The following ARHGAP11A variants were observed in gnomAD, a reference collection of about 807,000 sequenced individuals.
ARHGAP11A encodes rho GTPase-activating protein 11A.
A neutral mutation model predicts 60.5 loss-of-function variants in ARHGAP11A; 36 were observed. The observed-to-expected ratio is 0.59, with a 90% CI of 0.46 to 0.79. The LOEUF (loss-of-function observed/expected upper bound fraction) is 0.79, where lower values mean the gene tolerates loss of function less well. Among genes scored for constraint, ARHGAP11A ranks in the 30% least tolerant of loss-of-function variants. The pLI, the probability that ARHGAP11A is intolerant of heterozygous loss-of-function variation, is 0.00. For synonymous variants in ARHGAP11A, 362 were observed against 415.5 expected (o/e 0.87, Z 1.57); for missense variants, 1,071 against 1,199.2 (o/e 0.89, Z 1.58).
At chr15:32,633,378 T>G (rs1400496024) in intron 9 of ARHGAP11A, among the ~76,000 whole-genome samples, 1 of 152,148 alleles carries the variant, frequency 6.6e-6, no homozygotes, top group African/African-American at 2.4e-5. Flanking sequence ...CGGTGGCTTA[T>G]GCCTGTAATC....
chr15:32,631,003 C>A (rs573387987), intron 8 of ARHGAP11A, among the ~76,000 whole-genome samples: 29 of 152,026 alleles, frequency 1.9e-4, no homozygotes, highest in African/African-American at 6.3e-4. Context: ...TCCTTCTTCT[C>A]CTCCTCCAAG....
At chr15:32,635,741 T>G in intron 10 of ARHGAP11A, 36 bp from the exon 11 acceptor site, 1 of 1,427,804 alleles carries the variant, frequency 7.0e-7, no homozygotes, top group Non-Finnish European at 9.3e-7. Context: ...TTAACTAGGC[T>G]TATTTCTTAA....
At chr15:32,617,715 G>A (rs1424088973) in intron 1 of ARHGAP11A, among the ~76,000 whole-genome samples, 3 of 151,926 alleles carry the variant, frequency 2.0e-5, no homozygotes, top group Admixed American at 6.6e-5. Flanking sequence ...CTCGTGATCC[G>A]CCCGCCTCGG....
At chr15:32,617,627 AC>A (rs2053190258) in intron 1 of ARHGAP11A, among the ~76,000 whole-genome samples, 1 of 151,780 alleles carries the variant, frequency 6.6e-6, no homozygotes, top group South Asian at 2.1e-4. Context: ...GCCCGCCACC[AC>A]ACCTGGCTAA....
At position 32,636,466 on chromosome 15, in the gene ARHGAP11A, G is replaced by T. The variant is rs1183967592; in HGVS notation, c.1693G>T (p.Glu565Ter). The T allele has an allele frequency of 6.2e-7, 1 of 1,613,884 alleles. No individual in the cohort carries two copies. The highest frequency in any genetic ancestry group is 1.1e-5 in the South Asian group (1 of 91,058). ...AGAAAAGTCACCTGCTACTTCATGTGAACTCACCCCTTCCAATTTAAACAA... is the reference window on the plus strand; with the variant it reads ...AGAAAAGTCACCTGCTACTTCATGTTAACTCACCCCTTCCAATTTAAACAA... ...MVEKSPATSCELTPSNLNNKH... is the reference protein window; with the variant it reads ...MVEKSPATSC The change falls in exon 12 of 12, where the codon GAA (glutamate) becomes TAA (stop). Residue 565 changes from glutamate (E) to a stop codon, truncating the protein, a stop_gained. Transcript: ENST00000361627. LOFTEE classifies it low-confidence loss of function (END_TRUNC).
chr15:32,632,534 A>G (rs915023847), intron 8 of ARHGAP11A, among the ~76,000 whole-genome samples: 10 of 152,198 alleles, frequency 6.6e-5, no homozygotes, highest in African/African-American at 2.4e-4. Flanking sequence ...TTATAATACC[A>G]TTAATTGGTA....
chr15:32,632,943 A>T, intron 8 of ARHGAP11A, 36 bp from the exon 9 acceptor site: 11 of 1,557,232 alleles, frequency 7.1e-6, no homozygotes, highest in Non-Finnish European at 9.6e-6. Flanking sequence ...AGGAAAATAG[A>T]TATGTGTGGT....
chr15:32,637,510 A>G lies in ARHGAP11A; in HGVS notation c.2737A>G (p.Ile913Val). The G allele has an allele frequency of 6.2e-7, 1 of 1,613,926 alleles. No individual in the cohort carries two copies. Among genetic ancestry groups the G allele is most frequent in the Non-Finnish European group, 8.5e-7 (1 of 1,180,006 alleles). Reference protein sequence around the residue: ...QKSMSCEESNIGAISKSSMEL... With the variant: ...QKSMSCEESNVGAISKSSMEL... Reference sequence around the variant, plus strand: ...GTCCATGTCATGTGAAGAGTCAAATATTGGTGCAATTTCAAAGTCAAGCAT... The same window carrying G: ...GTCCATGTCATGTGAAGAGTCAAATGTTGGTGCAATTTCAAAGTCAAGCAT... The change falls in exon 12 of 12, where the codon ATT (isoleucine) becomes GTT (valine). Residue 913 changes from isoleucine to valine, a missense_variant. Physicochemically the swap from Ile to Val is conservative, Grantham distance 29. Coordinates refer to ENST00000361627, the MANE Select transcript of ARHGAP11A (RefSeq NM_014783.6).
rs1043276775 is a variant in ARHGAP11A, at chr15:32,627,371, A to G, written c.863-1357A>G. Among the ~76,000 whole-genome samples, 4 of 151,924 alleles carry G rather than the reference A, an allele frequency of 2.6e-5. 1 individual carries two copies. The highest frequency in any genetic ancestry group is 7.3e-5 in the African/African-American group (3 of 41,330). ...GGTTCTACCTCTTCCTCTACCATCTATAATCAGACAGTTTTCATGTCGTAT... is the reference window on the plus strand; with the variant it reads ...GGTTCTACCTCTTCCTCTACCATCTGTAATCAGACAGTTTTCATGTCGTAT... On this transcript the variant is annotated intron_variant, in intron 6 of 11. Coordinates refer to ENST00000361627, the MANE Select transcript of ARHGAP11A (RefSeq NM_014783.6).
chr15:32,626,751 G>A (rs1054896489), intron 6 of ARHGAP11A, among the ~76,000 whole-genome samples: 1 of 152,208 alleles, frequency 6.6e-6, no homozygotes, highest in Admixed American at 6.5e-5. Flanking sequence ...CCTCTTCCTG[G>A]CTCCTGGTAG....
At chr15:32,620,247 G>C in intron 2 of ARHGAP11A, 69 bp downstream of exon 2, 1 of 1,609,262 alleles carries the variant, frequency 6.2e-7, no homozygotes, top group Non-Finnish European at 8.5e-7. Flanking sequence ...CATTTTGAGA[G>C]GCCGAGGTGG....
Position 32,637,390 on chromosome 15 carries a change from T to A in ARHGAP11A, c.2617T>A (p.Ser873Thr), listed in dbSNP as rs148351943. Residue 873 changes from serine to threonine, a missense_variant, in exon 12 of 12, where the codon TCA (serine) becomes ACA (threonine). Coordinates refer to ENST00000361627, the MANE Select transcript of ARHGAP11A (RefSeq NM_014783.6). ...LGDTASPLVK[S>T]VSCDGALSSC... ...TGATACAGCTTCTCCTTTGGTCAAA[T>A]CAGTGAGCTGTGACGGTGCTCTTTC... The A allele has an allele frequency of 1.1e-4, 179 of 1,614,050 alleles. No homozygotes were observed. The highest frequency in any genetic ancestry group is 1.4e-4 in the Non-Finnish European group (168 of 1,180,028).
chr15:32,621,835 AAAAAG>A (rs2053323908), intron 2 of ARHGAP11A, among the ~76,000 whole-genome samples: 5 of 150,084 alleles, frequency 3.3e-5, no homozygotes, highest in Non-Finnish European at 1.5e-5. Flanking sequence ...AAAAAAAAAA[AAAAAG>A]AAAAAAAAAG....
chr15:32,635,399 TTTATC>T (rs1476582528), intron 10 of ARHGAP11A, among the ~76,000 whole-genome samples: 2 of 152,242 alleles, frequency 1.3e-5, no homozygotes, highest in African/African-American at 4.8e-5. Flanking sequence ...TAATTTACTG[TTTATC>T]TTAAGTCTAA....
At chr15:32,632,624 G>A (rs1004724216) in intron 8 of ARHGAP11A, among the ~76,000 whole-genome samples, 3 of 152,050 alleles carry the variant, frequency 2.0e-5, no homozygotes, top group Admixed American at 2.0e-4. Flanking sequence ...AGAGCCTAAA[G>A]CCATTTAGTA....
chr15:32,637,495 T>C lies in ARHGAP11A; in HGVS notation c.2722T>C (p.Cys908Arg), dbSNP rs1471699404. 4 of 1,613,866 alleles carry C rather than the reference T, an allele frequency of 2.5e-6. No homozygotes were observed. Among genetic ancestry groups the C allele is most frequent in the Non-Finnish European group, 3.4e-6 (4 of 1,180,044 alleles). Residue 908 changes from cysteine to arginine, a missense_variant, in exon 12 of 12, where the codon TGT becomes CGT. Physicochemically the swap from Cys to Arg is radical, Grantham distance 180 (BLOSUM62 -3). Transcript: ENST00000361627. ...SGPKEQKSMSCEESNIGAISK... is the reference protein window; with the variant it reads ...SGPKEQKSMSREESNIGAISK... ...TCCTAAAGAACAGAAGTCCATGTCA[T>C]GTGAAGAGTCAAATATTGGTGCAAT... is the stretch of plus-strand genomic sequence containing the variant.
At position 32,636,243 on chromosome 15, in the gene ARHGAP11A, C is replaced by G; in HGVS notation, c.1484-14C>G. On this transcript the variant is annotated splice_polypyrimidine_tract_variant and intron_variant, in intron 11 of 11. Coordinates refer to ENST00000361627, the MANE Select transcript of ARHGAP11A (RefSeq NM_014783.6). Reference sequence around the variant, plus strand: ...TAAATACAAAGGATTAAGCACTGAACTGCTTTATTTTAGGTTCAGAAAAGA... The same window carrying G: ...TAAATACAAAGGATTAAGCACTGAAGTGCTTTATTTTAGGTTCAGAAAAGA... 2 of 1,569,330 alleles carry G rather than the reference C, an allele frequency of 1.3e-6. No individual in the cohort carries two copies. Among genetic ancestry groups the G allele is most frequent in the Non-Finnish European group, 1.7e-6 (2 of 1,162,876 alleles).
chr15:32,629,958 G>A (rs2053552367), intron 8 of ARHGAP11A, among the ~76,000 whole-genome samples, 196 bp downstream of exon 8: 2 of 130,264 alleles, frequency 1.5e-5, no homozygotes, highest in Non-Finnish European at 3.2e-5. Flanking sequence ...GTGTGTGTGT[G>A]TGTGTGTGTG....
intron 1 of ARHGAP11A, among the ~76,000 whole-genome samples, chr15:32,619,408 G>T (rs965529887): frequency 1.3e-5 from 2 of 152,212 alleles, no homozygotes; most frequent in African/African-American, 4.8e-5. Context: ...AAACATTCAA[G>T]TTAACCAACA....
Sources: allele counts gnomAD v4.1 joint callset (sites outside exome capture counted in the v4.1 genomes callset), GRCh38; gene constraint gnomAD v4.1.1; transcripts MANE v1.5; gene names NCBI Gene and HGNC (gene_info 2026-07-23, HGNC 2026-07-21).